The following ZNF536 variants were observed in gnomAD, a reference collection of about 807,000 sequenced individuals.
The protein encoded by ZNF536 is zinc finger protein 536.
In ZNF536, 13 loss-of-function variants were observed where a neutral mutation model predicts 84.5. The ratio of observed to expected loss-of-function variants is 0.15; its 90% CI spans 0.10 to 0.24. The LOEUF (loss-of-function observed/expected upper bound fraction) is 0.24. Ranked by LOEUF, ZNF536 falls within the 10% of genes least tolerant of loss-of-function variation. ZNF536 has a pLI of 1.00. For synonymous variants in ZNF536, 811 were observed against 742.5 expected, an observed-to-expected ratio of 1.09 and a Z score of -1.50; for missense variants, 1,536 against 1,747.5, an observed-to-expected ratio of 0.88 and a Z score of 2.16.
At chr19:30,623,212 T>C (rs548382384) in intron 1 of ZNF536, among the ~76,000 whole-genome samples, 1 of 152,210 alleles carries the variant, frequency 6.6e-6, no homozygotes, top group East Asian at 1.9e-4. Context: ...GCCTTTGCCA[T>C]CTCCTTATCC....
chr19:30,287,682 A>ATGGG (rs1305318736), intron 2 of ZNF536, among the ~76,000 whole-genome samples: 1 of 127,366 alleles, frequency 7.9e-6, no homozygotes, highest in Non-Finnish European at 1.7e-5. Flanking sequence ...GGATGGATGG[A>ATGGG]TGGATGGATG....
At chr19:30,624,331 G>A (rs1172474148) in intron 1 of ZNF536, among the ~76,000 whole-genome samples, 1 of 152,120 alleles carries the variant, frequency 6.6e-6, no homozygotes, top group South Asian at 2.1e-4. Flanking sequence ...CCTGTTTCTG[G>A]AATCTAGAGC....
At chr19:30,352,705 G>C (rs1259684636) in intron 3 of ZNF536, among the ~76,000 whole-genome samples, 1 of 152,162 alleles carries the variant, frequency 6.6e-6, no homozygotes, top group African/African-American at 2.4e-5. Context: ...TCCCCATGGG[G>C]GAGGTATTCC....
intron 1 of ZNF536, among the ~76,000 whole-genome samples, chr19:30,569,433 T>A (rs1471573669): frequency 6.6e-6 from 1 of 152,006 alleles, no homozygotes; most frequent in Non-Finnish European, 1.5e-5. Context: ...AAGAGGTCTG[T>A]CATCCTCCTG....
chr19:30,643,150 A>G (rs2049327255), intron 1 of ZNF536, among the ~76,000 whole-genome samples: 1 of 152,112 alleles, frequency 6.6e-6, no homozygotes, highest in South Asian at 2.1e-4. Context: ...GTGGTGGGGG[A>G]ACGGGTGCTT....
At chr19:30,526,584 C>A (rs1273265766) in intron 2 of ZNF536, among the ~76,000 whole-genome samples, 2 of 145,786 alleles carry the variant, frequency 1.4e-5, no homozygotes, top group Non-Finnish European at 3.1e-5. Flanking sequence ...ATTAGCCGGG[C>A]GTAGTGGCGG....
chr19:30,604,449 A>C (rs1019046639), intron 1 of ZNF536, among the ~76,000 whole-genome samples: 3 of 152,110 alleles, frequency 2.0e-5, no homozygotes, highest in African/African-American at 7.2e-5. Flanking sequence ...TATGTTTATA[A>C]TATGTTTTCA....
intron 1 of ZNF536, among the ~76,000 whole-genome samples, chr19:30,418,726 A>G (rs143830076): frequency 2.0e-5 from 3 of 152,298 alleles, no homozygotes; most frequent in Admixed American, 6.5e-5. Flanking sequence ...CATTTCCTTC[A>G]TGCCACCATC....
intron 1 of ZNF536, among the ~76,000 whole-genome samples, chr19:30,415,495 G>T (rs2050691233): frequency 6.6e-6 from 1 of 150,594 alleles, no homozygotes; most frequent in Non-Finnish European, 1.5e-5. Context: ...CTTTTTTCCA[G>T]AAATTTTCCC....
At chr19:30,706,532 G>A (rs2052236934) in intron 1 of ZNF536, among the ~76,000 whole-genome samples, 1 of 151,734 alleles carries the variant, frequency 6.6e-6, no homozygotes, top group African/African-American at 2.4e-5. Flanking sequence ...TTTTGCTGAT[G>A]AACAAAAACA....
intron 2 of ZNF536, among the ~76,000 whole-genome samples, chr19:30,508,244 G>T (rs1404023455): frequency 6.6e-6 from 1 of 152,230 alleles, no homozygotes; most frequent in East Asian, 1.9e-4. Context: ...GGGAAAAAGG[G>T]CTATGAGAGG....
At chr19:30,569,658 C>T (rs989796929) in intron 1 of ZNF536, among the ~76,000 whole-genome samples, 1 of 144,912 alleles carries the variant, frequency 6.9e-6, no homozygotes, top group East Asian at 2.1e-4. Context: ...GCAACTTCTG[C>T]CTCCTGGGTT....
rs2049372254 is a variant in ZNF536 at position 30,387,036 on chromosome 19, C to T, written c.-3+14480C>T. Among the ~76,000 whole-genome samples, 6 of 152,294 alleles carry T rather than the reference C, an allele frequency of 3.9e-5. No homozygotes were observed. In the South Asian group the frequency reaches 1.2e-3, roughly 32 times the overall value. On this transcript the variant is annotated intron_variant, in intron 1 of 4. Transcript: ENST00000355537. ...AAAAGATGCTAGAGGAAGCAATGTG[C>T]AGACGAGAGTCGGTCTGTTTGATGT...
At chr19:30,367,504 C>T (rs193167421), upstream of ZNF536, among the ~76,000 whole-genome samples, 223 of 152,308 alleles carry the variant, frequency 1.5e-3, no homozygotes, top group Non-Finnish European at 2.6e-3. Flanking sequence ...CTTTGCAATT[C>T]ACACCTGCAC....
At chr19:30,547,018 A>C (rs1034830081) in intron 3 of ZNF536, among the ~76,000 whole-genome samples, 1 of 152,168 alleles carries the variant, frequency 6.6e-6, no homozygotes, top group Non-Finnish European at 1.5e-5. Context: ...ATTCATGAAA[A>C]TTATCTTATA....
rs2053432483 is a variant in ZNF536, at chr19:30,466,795, AGGAAGGAAGGAAGGAAG to A, written c.2170+21072_2170+21088del. On this transcript the variant is annotated intron_variant, in intron 2 of 4. Coordinates refer to ENST00000355537, the MANE Select transcript of ZNF536 (RefSeq NM_014717.3). Reference sequence around the variant, plus strand: ...AAGGAAGGAAGGAAGGAAGGAAGGAAGGAAGGAAGGAAGGAAGGGAAGGAAACTTACCATTTTAACCA... The same window carrying A: ...AAGGAAGGAAGGAAGGAAGGAAGGAAGGAAGGAAACTTACCATTTTAACCA... 3.6e-5 allele frequency among the ~76,000 whole-genome samples: 5 copies of A among 137,564 alleles called. No individual in the cohort carries two copies. The South Asian group carries it at 1.2e-3, about 33-fold the overall frequency. The allele number at this position is 137,564 out of a possible 152,430, so 90.2% of individuals were successfully genotyped here.
intron 1 of ZNF536, among the ~76,000 whole-genome samples, chr19:30,699,538 A>AT (rs773241816): frequency 6.6e-6 from 1 of 152,162 alleles, no homozygotes; most frequent in Non-Finnish European, 1.5e-5. Context: ...ATGGATGAAT[A>AT]TTTTTTTAAA....
intron 2 of ZNF536, among the ~76,000 whole-genome samples, chr19:30,305,187 T>C (rs537961622): frequency 2.6e-5 from 4 of 152,082 alleles, no homozygotes; most frequent in Non-Finnish European, 5.9e-5. Context: ...TTCCCCACTG[T>C]AGTTGAGTAG....
intron 1 of ZNF536, among the ~76,000 whole-genome samples, chr19:30,613,988 G>A (rs558620349): frequency 9.2e-5 from 14 of 152,230 alleles, no homozygotes; most frequent in African/African-American, 2.9e-4. Context: ...TCAGCCTCCC[G>A]AGTAGCTGGG....
Sources: gnomAD v4.1 joint callset for allele counts (sites outside exome capture counted in the v4.1 genomes callset) on GRCh38, gnomAD v4.1.1 for gene constraint, MANE v1.5 for transcripts, NCBI Gene and HGNC (gene_info 2026-07-23, HGNC 2026-07-21) for gene names.